NTRK2: variants seen among roughly 807,000 people sequenced by gnomAD.
NTRK2 encodes BDNF/NT-3 growth factors receptor.
Under a neutral mutation model 94.5 loss-of-function variants are expected in NTRK2, and 13 were observed. The ratio of observed to expected loss-of-function variants is 0.14; its 90% CI spans 0.09 to 0.22. The LOEUF (loss-of-function observed/expected upper bound fraction) is 0.22. NTRK2 is among the 10% of genes least tolerant of loss of function. The pLI, the probability that NTRK2 is intolerant of heterozygous loss-of-function variation, is 1.00. For synonymous variants in NTRK2, 372 were observed against 407.4 expected (o/e 0.91, Z 1.05); for missense variants, 639 against 1,071.2 (o/e 0.60, Z 5.63).
At chr9:84,768,777 G>C (rs2066261500) in intron 12 of NTRK2, among the ~76,000 whole-genome samples, 1 of 152,104 alleles carries the variant, frequency 6.6e-6, no homozygotes, top group Admixed American at 6.6e-5. Context: ...ATGGACATGT[G>C]GGAATTCATA....
intron 6 of NTRK2, 144 bp from the exon 7 acceptor site, chr9:84,723,429 C>G (rs774404935): frequency 1.6e-5 from 15 of 944,828 alleles, no homozygotes; most frequent in Non-Finnish European, 2.3e-5. Flanking sequence ...CAAAGTAGCA[C>G]TTTTTCAGAT....
chr9:84,812,208 C>T, intron 12 of NTRK2: 1 of 1,056,446 alleles, frequency 9.5e-7, no homozygotes. Context: ...ATTTAGGTAC[C>T]ACTTGATATA....
At chr9:84,777,669 C>T (rs1024504755) in intron 12 of NTRK2, among the ~76,000 whole-genome samples, 15 of 152,192 alleles carry the variant, frequency 9.9e-5, no homozygotes, top group South Asian at 4.1e-4. Context: ...CTGATTTCCG[C>T]GGTGTAAACA....
At chr9:84,920,452 T>G (rs2077526897) in intron 14 of NTRK2, among the ~76,000 whole-genome samples, 1 of 152,152 alleles carries the variant, frequency 6.6e-6, no homozygotes, top group African/African-American at 2.4e-5. Flanking sequence ...GATGTGGCAG[T>G]GCACACCACT....
intron 17 of NTRK2, among the ~76,000 whole-genome samples, chr9:84,998,925 T>C (rs1421595714): frequency 1.3e-5 from 2 of 152,228 alleles, no homozygotes. Flanking sequence ...TTCTCTGCAG[T>C]TGAGGTTGTC....
chr9:84,961,448 T>C (rs1824915088), intron 17 of NTRK2, among the ~76,000 whole-genome samples: 1 of 152,228 alleles, frequency 6.6e-6, no homozygotes, highest in Non-Finnish European at 1.5e-5. Flanking sequence ...GAGGAACCCG[T>C]CTGCCAGGGA....
chr9:84,850,188 G>A (rs937455974), intron 12 of NTRK2, among the ~76,000 whole-genome samples: 2 of 151,906 alleles, frequency 1.3e-5, no homozygotes, highest in African/African-American at 4.8e-5. Flanking sequence ...GACAAAGCAT[G>A]GGGGTTACAT....
rs376415093 is a variant in NTRK2 at position 84,724,235 on chromosome 9, C to T, written c.732C>T (p.Ser244=). Residue 244 remains serine (S), a synonymous_variant, in exon 8 of 19, where the codon AGC becomes AGT. Coordinates refer to ENST00000277120, the MANE Select transcript of NTRK2 (RefSeq NM_006180.6). ...NLVSKHMNET[S]HTQGSLRITN... ...TAATTCATTTGTAGAATGAAACAAGCCACACACAGGGCTCCTTAAGGATAA... is the reference window on the plus strand; with the variant it reads ...TAATTCATTTGTAGAATGAAACAAGTCACACACAGGGCTCCTTAAGGATAA... The T allele has an allele frequency of 6.2e-7, 1 of 1,614,062 alleles. No individual in the cohort carries two copies. The highest frequency in any genetic ancestry group is 1.3e-5 in the African/African-American group (1 of 75,048).
At chr9:84,835,440 C>T (rs1163743793) in intron 12 of NTRK2, among the ~76,000 whole-genome samples, 1 of 151,936 alleles carries the variant, frequency 6.6e-6, no homozygotes, top group African/African-American at 2.4e-5. Flanking sequence ...AGTTTCTCCT[C>T]AGCTAAAAAA....
chr9:84,712,665 G>C (rs1037972041), intron 6 of NTRK2, among the ~76,000 whole-genome samples: 3 of 152,032 alleles, frequency 2.0e-5, no homozygotes, highest in African/African-American at 7.2e-5. Context: ...TCTCTTTCAA[G>C]TGTTTTACTT....
chr9:84,923,892 A>G (rs2077651248), intron 14 of NTRK2, among the ~76,000 whole-genome samples: 1 of 151,210 alleles, frequency 6.6e-6, no homozygotes, highest in South Asian at 2.1e-4. Flanking sequence ...AGAGTGAGTG[A>G]GACTCCATCT....
In NTRK2 at chr9:85,022,891, G is replaced by A. The variant is rs1163783165; in HGVS notation, c.*1454G>A. The A allele has an allele frequency of 4.3e-6, 1 of 233,138 alleles. No individual in the cohort carries two copies. Among genetic ancestry groups the A allele is most frequent in the Non-Finnish European group, 8.5e-6 (1 of 118,066 alleles). The allele number at this position is 233,138 out of a possible 1,614,324, so 14.4% of individuals were successfully genotyped here. A position where few individuals can be genotyped will look rare whatever the true frequency, so the allele number is the denominator to read the frequency against. ...GGGCAGAATCAATCCCTAAGGGAAA[G>A]GAAACCTCACCCTGAGGGCATCACA... On this transcript the variant is annotated 3_prime_UTR_variant, in exon 19 of 19. Coordinates refer to ENST00000277120, the MANE Select transcript of NTRK2 (RefSeq NM_006180.6).
At chr9:84,803,700 G>A (rs754723215) in intron 12 of NTRK2, among the ~76,000 whole-genome samples, 22 of 152,190 alleles carry the variant, frequency 1.4e-4, no homozygotes, top group Admixed American at 3.9e-4. Flanking sequence ...CTGGCCAAAC[G>A]GAACCCAGGC....
intron 17 of NTRK2, among the ~76,000 whole-genome samples, chr9:84,973,071 C>CT (rs1826373655): frequency 6.6e-6 from 1 of 152,162 alleles, no homozygotes; most frequent in African/African-American, 2.4e-5. Flanking sequence ...CTAAAAAAGT[C>CT]TTGGTATCTC....
chr9:84,671,046 G>C, intron 2 of NTRK2, 86 bp downstream of exon 2: 1 of 1,247,354 alleles, frequency 8.0e-7, no homozygotes, highest in Middle Eastern at 2.0e-4. Flanking sequence ...AGTGAATGCT[G>C]TCCCAAGAGT....
chr9:84,889,427 T>G (rs2076531875), intron 14 of NTRK2, among the ~76,000 whole-genome samples: 1 of 152,242 alleles, frequency 6.6e-6, no homozygotes, highest in African/African-American at 2.4e-5. Context: ...ATTCATTTAT[T>G]TTTGATACAG....
At chr9:84,854,594 G>T (rs2074966012) in intron 12 of NTRK2, among the ~76,000 whole-genome samples, 1 of 152,018 alleles carries the variant, frequency 6.6e-6, no homozygotes, top group South Asian at 2.1e-4. Flanking sequence ...TGAAGTTGGG[G>T]TCCCTCTGAT....
intron 9 of NTRK2, among the ~76,000 whole-genome samples, chr9:84,734,480 C>A (rs1345073835): frequency 6.6e-6 from 1 of 152,220 alleles, no homozygotes; most frequent in East Asian, 1.9e-4. Context: ...ACTACCTGAG[C>A]TTTCTAGACT....
intron 12 of NTRK2, among the ~76,000 whole-genome samples, chr9:84,821,852 A>C (rs893247634): frequency 3.4e-5 from 5 of 147,142 alleles, no homozygotes; most frequent in African/African-American, 1.0e-4. Flanking sequence ...AGAGAGAGAG[A>C]AGAGAGAATG....
Sources: allele counts gnomAD v4.1 joint callset (sites outside exome capture counted in the v4.1 genomes callset), GRCh38; gene constraint gnomAD v4.1.1; transcripts MANE v1.5; gene names NCBI Gene and HGNC (gene_info 2026-07-23, HGNC 2026-07-21).